RAB31: variants seen among roughly 807,000 people sequenced by gnomAD.
RAB31 encodes RAB31, member RAS oncogene family.
In RAB31, 21 loss-of-function variants were observed where a neutral mutation model predicts 25.6. That is an observed-to-expected ratio of 0.82 (90% confidence interval 0.58 to 1.18). The LOEUF is 1.18. Ranked by LOEUF, RAB31 falls within the 50% of genes most tolerant of loss-of-function variation. The pLI, the probability that RAB31 is intolerant of heterozygous loss-of-function variation, is 0.00. For missense variants in RAB31, 196 were observed against 250.1 expected (o/e 0.78, Z 1.46); for synonymous variants, 87 against 84.0 (o/e 1.04, Z -0.20).
intron 1 of RAB31, among the ~76,000 whole-genome samples, chr18:9,769,339 C>G (rs561553562): frequency 2.0e-5 from 3 of 152,124 alleles, no homozygotes; most frequent in African/African-American, 7.2e-5. Flanking sequence ...ATGGAATGTT[C>G]TTCCATTTGT....
intron 3 of RAB31, among the ~76,000 whole-genome samples, chr18:9,795,611 A>G (rs898095767): frequency 1.3e-5 from 2 of 152,182 alleles, no homozygotes; most frequent in African/African-American, 4.8e-5. Context: ...ATTTATACAA[A>G]TGGCCAATGA....
chr18:9,787,677 C>G (rs376211689), intron 2 of RAB31: 1 of 154,012 alleles, frequency 6.5e-6, no homozygotes, highest in East Asian at 1.9e-4. Context: ...TTGGGAGAAT[C>G]CTTACAAATG....
At chr18:9,726,307 A>G (rs560504382) in intron 1 of RAB31, among the ~76,000 whole-genome samples, 24 of 152,338 alleles carry the variant, frequency 1.6e-4, no homozygotes, top group African/African-American at 5.5e-4. Context: ...AGAGGTTCCC[A>G]GGTCTGCTAT....
At position 9,822,143 on chromosome 18, in the gene RAB31, C is replaced by G. The variant is rs113733020; in HGVS notation, c.380+6921C>G. 7.3e-3 allele frequency among the ~76,000 whole-genome samples: 1,113 copies of G among 151,810 alleles called. 15 individuals carry two copies. Among genetic ancestry groups the G allele is most frequent in the African/African-American group, 0.026 (1,066 of 41,376 alleles). Reference sequence around the variant, plus strand: ...GATCAATGGAACAGAATAGAGAACCCAGAAATAAATCTACACAAATATGCT... The same window carrying G: ...GATCAATGGAACAGAATAGAGAACCGAGAAATAAATCTACACAAATATGCT... On this transcript the variant is annotated intron_variant, in intron 5 of 6. Coordinates refer to ENST00000578921, the MANE Select transcript of RAB31 (RefSeq NM_006868.4).
In RAB31 at chr18:9,817,308, A is replaced by G. The variant is rs565323604; in HGVS notation, c.380+2086A>G. On this transcript the variant is annotated intron_variant, in intron 5 of 6. Transcript: ENST00000578921. The stretch of plus-strand genomic sequence containing the variant: ...TGGACTAGAATTTAAGCAGAAAACG[A>G]TTTAAACTTGAATGGTATCACTTAG... Among the ~76,000 whole-genome samples the G allele has an allele frequency of 7.2e-5, 11 of 152,310 alleles. No individual in the cohort carries two copies. The South Asian group carries it at 2.3e-3, about 32-fold the overall frequency.
At chr18:9,796,689 G>A (rs1225735321) in intron 3 of RAB31, among the ~76,000 whole-genome samples, 1 of 151,968 alleles carries the variant, frequency 6.6e-6, no homozygotes, top group Non-Finnish European at 1.5e-5. Flanking sequence ...ATAATTGAAT[G>A]ATTATAGCTT....
chr18:9,744,308 G>A (rs1003834598), intron 1 of RAB31, among the ~76,000 whole-genome samples: 1 of 152,150 alleles, frequency 6.6e-6, no homozygotes, highest in Non-Finnish European at 1.5e-5. Context: ...ATGCAAAAAT[G>A]TCTGTTAGCA....
intron 1 of RAB31, among the ~76,000 whole-genome samples, chr18:9,731,759 C>G (rs1282830076): frequency 6.6e-6 from 1 of 152,002 alleles, no homozygotes; most frequent in East Asian, 1.9e-4. Context: ...CCACGCCCAG[C>G]TGATTTTTGT....
At chr18:9,743,074 C>G (rs1359219305) in intron 1 of RAB31, among the ~76,000 whole-genome samples, 1 of 152,162 alleles carries the variant, frequency 6.6e-6, no homozygotes, top group African/African-American at 2.4e-5. Context: ...TCTGAAATGC[C>G]ATTGTACCAA....
At chr18:9,800,454 C>T (rs754462713) in intron 3 of RAB31, among the ~76,000 whole-genome samples, 2 of 152,136 alleles carry the variant, frequency 1.3e-5, no homozygotes, top group Non-Finnish European at 2.9e-5. Context: ...TTATTCCTTC[C>T]TCTTGGCTCA....
chr18:9,824,448 A>ATG (rs1186512832), intron 5 of RAB31, among the ~76,000 whole-genome samples: 19 of 151,134 alleles, frequency 1.3e-4, no homozygotes, highest in African/African-American at 4.4e-4. Flanking sequence ...GTGTGTGTAG[A>ATG]TGTGTGTGTG....
At chr18:9,722,914 A>G (rs2068079952) in intron 1 of RAB31, 1 of 152,232 alleles carries the variant, frequency 6.6e-6, no homozygotes, top group East Asian at 1.9e-4. Context: ...CAGTTTTACT[A>G]CTTTTTCTGG....
intron 6 of RAB31, among the ~76,000 whole-genome samples, chr18:9,849,938 A>G (rs1347248786): frequency 6.6e-6 from 1 of 152,192 alleles, no homozygotes; most frequent in East Asian, 1.9e-4. Context: ...CTTTTAAAGC[A>G]GGAGTGCAGA....
At chr18:9,811,081 C>T (rs978018821) in intron 3 of RAB31, among the ~76,000 whole-genome samples, 9 of 152,090 alleles carry the variant, frequency 5.9e-5, no homozygotes, top group Non-Finnish European at 1.2e-4. Context: ...AGTGTTGGGC[C>T]GTCAGTGAGT....
intron 1 of RAB31, among the ~76,000 whole-genome samples, chr18:9,711,803 T>C (rs1253074197): frequency 2.6e-5 from 4 of 152,172 alleles, no homozygotes; most frequent in Non-Finnish European, 4.4e-5. Context: ...CCTTATAAGG[T>C]GATAGAGAAC....
chr18:9,752,313 C>T (rs1158570706), intron 1 of RAB31, among the ~76,000 whole-genome samples: 1 of 152,106 alleles, frequency 6.6e-6, no homozygotes, highest in Non-Finnish European at 1.5e-5. Context: ...CAACCTGTGC[C>T]TCCTGGGTTC....
chr18:9,811,886 A>G (rs935404264), intron 3 of RAB31, among the ~76,000 whole-genome samples: 4 of 152,260 alleles, frequency 2.6e-5, no homozygotes, highest in Non-Finnish European at 4.4e-5. Context: ...GCTATAGAAT[A>G]TCATTACATA....
chr18:9,807,098 C>T lies in RAB31; in HGVS notation c.202-6922C>T, dbSNP rs74389568. ...CTCGGACAGGAGGGAGGTGCGGCTG[C>T]GTGAGAGCTGGGGCTGGGTCTGAAG... On this transcript the variant is annotated intron_variant, in intron 3 of 6. Transcript: ENST00000578921. Among the ~76,000 whole-genome samples, 1,067 of 152,244 alleles carry T rather than the reference C, an allele frequency of 7.0e-3. 8 individuals carry two copies. The highest frequency in any genetic ancestry group is 0.014 in the Middle Eastern group (4 of 294).
intron 1 of RAB31, among the ~76,000 whole-genome samples, chr18:9,723,172 C>T (rs575066264): frequency 3.6e-4 from 55 of 152,212 alleles, no homozygotes; most frequent in African/African-American, 1.3e-3. Flanking sequence ...CTCATCCTCC[C>T]GAGTAGCTGG....
Sources: gnomAD v4.1 joint callset for allele counts (sites outside exome capture counted in the v4.1 genomes callset) on GRCh38, gnomAD v4.1.1 for gene constraint, MANE v1.5 for transcripts, NCBI Gene and HGNC (gene_info 2026-07-23, HGNC 2026-07-21) for gene names.